KIAA1671: variants seen among roughly 807,000 people sequenced by gnomAD.
The protein encoded by KIAA1671 is KIAA1671.
KIAA1671 carries 52 observed loss-of-function variants against 131.2 expected under a neutral mutation model. The observed-to-expected ratio is 0.40, with a 90% CI of 0.32 to 0.50. KIAA1671 has a LOEUF of 0.50. Ranked by LOEUF, KIAA1671 falls within the 20% of genes least tolerant of loss-of-function variation. The pLI is 0.73. For missense variants in KIAA1671, 2,360 were observed against 2,364.2 expected, an observed-to-expected ratio of 1.00 and a Z score of 0.04; for synonymous variants, 1,003 against 961.6, an observed-to-expected ratio of 1.04 and a Z score of -0.80.
chr22:25,045,870 C>A (rs1028228250), intron 5 of KIAA1671, among the ~76,000 whole-genome samples: 9 of 152,158 alleles, frequency 5.9e-5, no homozygotes, highest in Non-Finnish European at 1.3e-4. Flanking sequence ...GAATTACAGG[C>A]GTGAGCCACT....
intron 6 of KIAA1671, chr22:25,063,802 A>G (rs537714865): frequency 6.6e-6 from 1 of 152,316 alleles, no homozygotes; most frequent in East Asian, 1.9e-4. Flanking sequence ...TCTTGCAAGC[A>G]CATACTGTTA....
intron 6 of KIAA1671, among the ~76,000 whole-genome samples, chr22:25,113,261 GCT>G (rs1931471168): frequency 6.6e-6 from 1 of 152,150 alleles, no homozygotes; most frequent in African/African-American, 2.4e-5. Context: ...CCCATTCACG[GCT>G]CTTTGCAGTC....
chr22:25,134,254 C>T (rs1013309595), intron 6 of KIAA1671, among the ~76,000 whole-genome samples: 1 of 152,102 alleles, frequency 6.6e-6, no homozygotes, highest in Non-Finnish European at 1.5e-5. Context: ...AATGAATGTG[C>T]CAGAGGGCTT....
At chr22:24,957,521 T>G (rs551469427) in intron 1 of KIAA1671, among the ~76,000 whole-genome samples, 1 of 152,098 alleles carries the variant, frequency 6.6e-6, no homozygotes, top group African/African-American at 2.4e-5. Context: ...CCATCCAGAT[T>G]ATAGGAGTGT....
At chr22:25,068,586 G>A (rs565132077) in intron 6 of KIAA1671, among the ~76,000 whole-genome samples, 3 of 152,114 alleles carry the variant, frequency 2.0e-5, no homozygotes, top group Non-Finnish European at 2.9e-5. Context: ...ACAGGCGCCC[G>A]CCTCCGCGGC....
At chr22:25,182,616 C>G (rs1006208610) in intron 10 of KIAA1671, among the ~76,000 whole-genome samples, 4 of 152,202 alleles carry the variant, frequency 2.6e-5, no homozygotes, top group African/African-American at 4.8e-5. Context: ...AACAATACTA[C>G]CAACTTACTT....
intron 11 of KIAA1671, among the ~76,000 whole-genome samples, chr22:25,187,305 C>T (rs1201922167): frequency 5.9e-5 from 9 of 152,212 alleles, no homozygotes; most frequent in Non-Finnish European, 8.8e-5. Flanking sequence ...AAATCATCCA[C>T]GATCCTACTG....
At chr22:25,135,925 C>T (rs145133555) in intron 6 of KIAA1671, among the ~76,000 whole-genome samples, 13 of 152,366 alleles carry the variant, frequency 8.5e-5, no homozygotes, top group African/African-American at 3.1e-4. Flanking sequence ...ATCCTTGCAG[C>T]CACCCTGCGA....
chr22:25,071,137 T>C lies in KIAA1671; in HGVS notation c.4530+21773T>C, dbSNP rs547912202. Among the ~76,000 whole-genome samples the C allele has an allele frequency of 5.8e-4, 89 of 152,346 alleles. 2 individuals carry two copies. The South Asian group carries it at 0.018, about 31-fold the overall frequency. ...AGTGGGTGTAGGTGATTCTGGGTTGTGTGACATCCATCAGGGCTCTGGGAA... is the reference window on the plus strand; with the variant it reads ...AGTGGGTGTAGGTGATTCTGGGTTGCGTGACATCCATCAGGGCTCTGGGAA... On this transcript the variant is annotated intron_variant, in intron 6 of 12. Transcript: ENST00000358431.
At chr22:25,132,789 C>A (rs778230615) in intron 6 of KIAA1671, among the ~76,000 whole-genome samples, 2 of 152,014 alleles carry the variant, frequency 1.3e-5, no homozygotes, top group Non-Finnish European at 2.9e-5. Context: ...TAAAGAATAC[C>A]AACGCCTGTA....
In KIAA1671 at chr22:25,038,709, C is replaced by T. The variant is rs1390783508; in HGVS notation, c.1630-51C>T. 3.4e-6 allele frequency: 5 copies of T among 1,475,282 alleles called. No individual in the cohort carries two copies. The Admixed American group carries it at 7.8e-5, about 23-fold the overall frequency. 91.4% of individuals were successfully genotyped at this position (1,475,282 alleles called of 1,614,324 possible). ...AATTACTCCACTTTTTCCTTTCCATCTCAAATCCTTAAACACTGAGGTGTT... is the reference window on the plus strand; with the variant it reads ...AATTACTCCACTTTTTCCTTTCCATTTCAAATCCTTAAACACTGAGGTGTT... On this transcript the variant is annotated intron_variant, in intron 4 of 12. Transcript: ENST00000358431.
chr22:25,154,908 C>T (rs9624736), intron 6 of KIAA1671, among the ~76,000 whole-genome samples: 11,275 of 152,220 alleles, frequency 0.074, 1,349 homozygotes, highest in African/African-American at 0.25. Flanking sequence ...TTAATAGATA[C>T]GATGCTTAAC....
intron 1 of KIAA1671, among the ~76,000 whole-genome samples, chr22:25,001,679 T>C (rs949383254): frequency 8.5e-5 from 13 of 152,076 alleles, no homozygotes; most frequent in Admixed American, 8.5e-4. Flanking sequence ...TTTAGGGCAC[T>C]TTCTATTTTA....
intron 1 of KIAA1671, among the ~76,000 whole-genome samples, chr22:25,000,907 A>G (rs1174619287): frequency 6.6e-6 from 1 of 151,452 alleles, no homozygotes; most frequent in East Asian, 1.9e-4. Flanking sequence ...TCGGCATACC[A>G]AAGTGCTGGG....
At chr22:25,064,237 T>C (rs2142844) in intron 6 of KIAA1671, 15,418 of 152,182 alleles carry the variant, frequency 0.1, 816 homozygotes, top group African/African-American at 0.11. Context: ...ATAATTTTTG[T>C]TATAGTAGAG....
At chr22:25,167,523 T>C (rs138500888) in intron 6 of KIAA1671, among the ~76,000 whole-genome samples, 2 of 152,340 alleles carry the variant, frequency 1.3e-5, no homozygotes, top group East Asian at 3.9e-4. Context: ...TGTAGGTGAA[T>C]TGATCCTGAG....
intron 1 of KIAA1671, among the ~76,000 whole-genome samples, chr22:24,963,092 G>T (rs1922096943): frequency 2.0e-5 from 3 of 152,068 alleles, no homozygotes; most frequent in Admixed American, 2.0e-4. Context: ...CTTCAGTTGG[G>T]CATCTCTCCA....
Position 25,188,070 on chromosome 22 carries a change from G to C in KIAA1671, c.5343-2632G>C, listed in dbSNP as rs1345585166. Among the ~76,000 whole-genome samples, 6 of 152,258 alleles carry C rather than the reference G, an allele frequency of 3.9e-5. No homozygotes were observed. The East Asian group carries it at 1.2e-3, about 29-fold the overall frequency. ...ACTCCCAGCACTTTGGGAGGCTGAG[G>C]TGGGCGGATCACAAGATCAGGAGAT... On this transcript the variant is annotated intron_variant, in intron 11 of 12. Transcript: ENST00000358431.
rs73403526 is a variant in KIAA1671, at chr22:25,134,222, A to G, written c.4531-36598A>G. On this transcript the variant is annotated intron_variant, in intron 6 of 12. Coordinates refer to ENST00000358431, the MANE Select transcript of KIAA1671 (RefSeq NM_001145206.2). ...AATGAGTGGATGTTTCCGGGAACAC[A>G]GCAAATCCATAGAGTTTAATTAATG... 1.4e-3 allele frequency among the ~76,000 whole-genome samples: 214 copies of G among 152,302 alleles called. 1 individual carries two copies. Among genetic ancestry groups the G allele is most frequent in the African/African-American group, 4.7e-3 (194 of 41,552 alleles).
Sources: allele counts gnomAD v4.1 joint callset (sites outside exome capture counted in the v4.1 genomes callset), GRCh38; gene constraint gnomAD v4.1.1; transcripts MANE v1.5; gene names NCBI Gene and HGNC (gene_info 2026-07-23, HGNC 2026-07-21).